Variants in SH3GL2 observed in about 807,000 individuals in gnomAD.
The protein encoded by SH3GL2 is endophilin-A1.
Under a neutral mutation model 46.0 loss-of-function variants are expected in SH3GL2, and 24 were observed. The ratio of observed to expected loss-of-function variants is 0.52; its 90% CI spans 0.38 to 0.73. SH3GL2 has a LOEUF of 0.73. Among genes scored for constraint, SH3GL2 ranks in the 30% least tolerant of loss-of-function variants. The pLI is 0.00. For missense variants in SH3GL2, 413 were observed against 424.2 expected, an observed-to-expected ratio of 0.97 and a Z score of 0.23; for synonymous variants, 196 against 147.1, an observed-to-expected ratio of 1.33 and a Z score of -2.40.
At chr9:17,602,012 C>T (rs1195197051) in intron 1 of SH3GL2, among the ~76,000 whole-genome samples, 1 of 152,124 alleles carries the variant, frequency 6.6e-6, no homozygotes, top group Non-Finnish European at 1.5e-5. Context: ...TGCAGAAAGC[C>T]TTCTGGTTGA....
chr9:17,632,484 G>A (rs923163995), intron 1 of SH3GL2, among the ~76,000 whole-genome samples: 2 of 152,024 alleles, frequency 1.3e-5, no homozygotes, highest in African/African-American at 2.4e-5. Context: ...TGGGCTGTCC[G>A]GGTGATTTAC....
intron 1 of SH3GL2, among the ~76,000 whole-genome samples, chr9:17,684,647 C>CAT (rs1313933797): frequency 1.1e-3 from 168 of 152,186 alleles, no homozygotes; most frequent in African/African-American, 3.8e-3. Context: ...TACCCTGCAA[C>CAT]ACACATACAG....
At chr9:17,670,405 T>C (rs755925164) in intron 1 of SH3GL2, among the ~76,000 whole-genome samples, 4 of 152,224 alleles carry the variant, frequency 2.6e-5, no homozygotes, top group Non-Finnish European at 4.4e-5. Context: ...TTCTACCTCC[T>C]GTATCATGAT....
chr9:17,626,663 G>A (rs373617860), intron 1 of SH3GL2, among the ~76,000 whole-genome samples: 22 of 152,176 alleles, frequency 1.4e-4, no homozygotes, highest in African/African-American at 5.3e-4. Context: ...CCTGAAATTA[G>A]ATGCAAAATG....
At position 17,753,054 on chromosome 9, in the gene SH3GL2, C is replaced by A. The variant is rs111671047; in HGVS notation, c.114+5920C>A. Among the ~76,000 whole-genome samples, 1,114 of 152,290 alleles carry A rather than the reference C, an allele frequency of 7.3e-3. 15 individuals are homozygous for A. The highest frequency in any genetic ancestry group is 0.026 in the African/African-American group (1,069 of 41,560). ...AGAACCTGCTCTCTCTCTTTTATGG[C>A]TGCATAGTATTCCATGGTGTATACG... On this transcript the variant is annotated intron_variant, in intron 2 of 8. Coordinates refer to ENST00000380607, the MANE Select transcript of SH3GL2 (RefSeq NM_003026.5).
At chr9:17,790,173 G>A (rs953969518) in intron 6 of SH3GL2, among the ~76,000 whole-genome samples, 3 of 152,136 alleles carry the variant, frequency 2.0e-5, no homozygotes, top group Non-Finnish European at 4.4e-5. Context: ...GAACAAACTT[G>A]CCTTTCCTCT....
At chr9:17,689,719 C>G (rs1451895932) in intron 1 of SH3GL2, among the ~76,000 whole-genome samples, 1 of 152,062 alleles carries the variant, frequency 6.6e-6, no homozygotes, top group Non-Finnish European at 1.5e-5. Flanking sequence ...TCGTTTATTT[C>G]ATTTAGGTCT....
chr9:17,641,519 C>G (rs904180244), intron 1 of SH3GL2, among the ~76,000 whole-genome samples: 2 of 152,062 alleles, frequency 1.3e-5, no homozygotes, highest in African/African-American at 4.8e-5. Context: ...TATACATGTG[C>G]CATGGTAGTT....
chr9:17,694,850 C>T (rs1167075944), intron 1 of SH3GL2, among the ~76,000 whole-genome samples: 1 of 152,128 alleles, frequency 6.6e-6, no homozygotes, highest in Non-Finnish European at 1.5e-5. Flanking sequence ...CAAGTGGGGG[C>T]TTACAGACTA....
At chr9:17,700,979 G>A (rs1786171899) in intron 1 of SH3GL2, among the ~76,000 whole-genome samples, 1 of 152,154 alleles carries the variant, frequency 6.6e-6, no homozygotes, top group African/African-American at 2.4e-5. Context: ...GTTTCATCAT[G>A]CTAATATGGA....
intron 1 of SH3GL2, among the ~76,000 whole-genome samples, chr9:17,682,278 T>A (rs1029737644): frequency 3.9e-5 from 6 of 152,126 alleles, no homozygotes; most frequent in African/African-American, 1.4e-4. Context: ...TTTTGCGTAT[T>A]ATTTTCAATA....
At chr9:17,711,882 A>G (rs1821634425) in intron 1 of SH3GL2, among the ~76,000 whole-genome samples, 1 of 151,860 alleles carries the variant, frequency 6.6e-6, no homozygotes, top group African/African-American at 2.4e-5. Flanking sequence ...TTTTAAAAAC[A>G]GTACTCAACA....
chr9:17,693,169 T>C (rs1821124777), intron 1 of SH3GL2, among the ~76,000 whole-genome samples: 1 of 152,172 alleles, frequency 6.6e-6, no homozygotes, highest in Admixed American at 6.5e-5. Context: ...TGTATACTAA[T>C]ATTGATAGTG....
chr9:17,652,447 A>G (rs1819978832), intron 1 of SH3GL2, among the ~76,000 whole-genome samples: 1 of 151,286 alleles, frequency 6.6e-6, no homozygotes, highest in Non-Finnish European at 1.5e-5. Flanking sequence ...AGTTTTTGTA[A>G]TTTTTTGAGG....
intron 1 of SH3GL2, among the ~76,000 whole-genome samples, chr9:17,658,871 A>G (rs1036987740): frequency 3.9e-5 from 6 of 152,182 alleles, no homozygotes; most frequent in African/African-American, 1.2e-4. Context: ...TGCCCTGGAA[A>G]ATGAGTCCTT....
chr9:17,737,722 CGTCTTTA>C (rs1822383822), intron 1 of SH3GL2, among the ~76,000 whole-genome samples: 1 of 152,078 alleles, frequency 6.6e-6, no homozygotes, highest in Admixed American at 6.6e-5. Flanking sequence ...TTCCCTGCCT[CGTCTTTA>C]ATTGTTGGTG....
chr9:17,638,651 C>G (rs1013878047), intron 1 of SH3GL2, among the ~76,000 whole-genome samples: 1 of 152,210 alleles, frequency 6.6e-6, no homozygotes. Context: ...ATGTGCAGAA[C>G]AAGGACTTCT....
At chr9:17,738,641 T>TATATATATATA (rs376280314) in intron 1 of SH3GL2, among the ~76,000 whole-genome samples, 5 of 88,900 alleles carry the variant, frequency 5.6e-5, no homozygotes, top group African/African-American at 1.9e-4. Flanking sequence ...TATATATATA[T>TATATATATATA]AGAGAGAGAG....
chr9:17,745,470 A>G (rs919047611), intron 1 of SH3GL2, among the ~76,000 whole-genome samples: 1 of 152,152 alleles, frequency 6.6e-6, no homozygotes, highest in Admixed American at 6.6e-5. Flanking sequence ...GTACCTATCA[A>G]GGAATGGAGG....
Sources: gnomAD v4.1 joint callset for allele counts (sites outside exome capture counted in the v4.1 genomes callset) on GRCh38, gnomAD v4.1.1 for gene constraint, MANE v1.5 for transcripts, NCBI Gene and HGNC (gene_info 2026-07-23, HGNC 2026-07-21) for gene names.